TACC1: variants seen among roughly 807,000 people sequenced by gnomAD.
TACC1 encodes transforming acidic coiled-coil containing protein 1.
TACC1 carries 48 observed loss-of-function variants against 84.4 expected under a neutral mutation model. The ratio of observed to expected loss-of-function variants is 0.57; its 90% confidence interval spans 0.45 to 0.72. The LOEUF is 0.72. Among genes scored for constraint, TACC1 ranks in the 30% least tolerant of loss-of-function variants. TACC1 has a pLI of 0.00. For missense variants in TACC1, 920 were observed against 973.0 expected, an observed-to-expected ratio of 0.95 and a Z score of 0.72; for synonymous variants, 372 against 376.3, an observed-to-expected ratio of 0.99 and a Z score of 0.13.
upstream of TACC1, among the ~76,000 whole-genome samples, chr8:38,782,355 A>C (rs1048811369): frequency 2.6e-5 from 4 of 152,018 alleles, no homozygotes; most frequent in Admixed American, 6.6e-5. Flanking sequence ...TGAACTCATC[A>C]TTTTTTATGG....
At chr8:38,736,651 G>T (rs753403901) in intron 1 of TACC1, among the ~76,000 whole-genome samples, 29 of 152,106 alleles carry the variant, frequency 1.9e-4, no homozygotes, top group Non-Finnish European at 2.8e-4. Context: ...AACCTTTACA[G>T]GTTCCAGAGA....
chr8:38,824,210 G>A lies in TACC1; in HGVS notation c.1392-1098G>A, dbSNP rs191989633. On this transcript the variant is annotated intron_variant, in intron 3 of 12. Transcript: ENST00000317827. The stretch of plus-strand genomic sequence containing the variant: ...CTTGCAGTTGTCCATACCTAAGGGA[G>A]TGGGGCTTGGCCTTTACACCTTAGG... Among the ~76,000 whole-genome samples the A allele has an allele frequency of 3.3e-5, 5 of 152,336 alleles. No homozygotes were observed. In the East Asian group the frequency reaches 9.6e-4, roughly 29 times the overall value.
intron 2 of TACC1, among the ~76,000 whole-genome samples, chr8:38,816,681 G>C (rs1488318364): frequency 6.6e-6 from 1 of 152,158 alleles, no homozygotes; most frequent in East Asian, 1.9e-4. Context: ...GATACATAGG[G>C]CAAGGTATCC....
At chr8:38,745,396 A>G (rs1164297084) in exon 3 of TACC1, 2 of 630,462 alleles carry the variant, frequency 3.2e-6, no homozygotes, top group African/African-American at 1.9e-5. Flanking sequence ...AACCCAAATT[A>G]TGGGACATAT....
At chr8:38,802,763 G>C (rs2152081429) in intron 2 of TACC1, among the ~76,000 whole-genome samples, 1 of 152,294 alleles carries the variant, frequency 6.6e-6, no homozygotes, top group Admixed American at 6.5e-5. Context: ...TGAGAGACGA[G>C]AAGGAGAAAG....
chr8:38,821,154 G>A (rs1322909518), intron 3 of TACC1, among the ~76,000 whole-genome samples: 1 of 151,620 alleles, frequency 6.6e-6, no homozygotes, highest in African/African-American at 2.4e-5. Flanking sequence ...GCAGTGAGCC[G>A]AGATCACGCC....
chr8:38,756,349 T>TGTAA (rs1368763950), intron 3 of TACC1, among the ~76,000 whole-genome samples: 1 of 151,736 alleles, frequency 6.6e-6, no homozygotes, highest in Non-Finnish European at 1.5e-5. Flanking sequence ...ACAAAGAAGA[T>TGTAA]GTAACATCAA....
At chr8:38,749,764 G>A (rs1808711010) in intron 3 of TACC1, among the ~76,000 whole-genome samples, 1 of 152,038 alleles carries the variant, frequency 6.6e-6, no homozygotes, top group African/African-American at 2.4e-5. Context: ...GCTAATTTTT[G>A]TATTTTTAGT....
chr8:38,789,879 T>G (rs2151999419), intron 2 of TACC1, among the ~76,000 whole-genome samples: 2 of 152,316 alleles, frequency 1.3e-5, no homozygotes, highest in Middle Eastern at 3.4e-3. Flanking sequence ...GGAGCTGAAG[T>G]CAGCGTGGTC....
intron 3 of TACC1, among the ~76,000 whole-genome samples, chr8:38,771,216 C>G (rs561829618): frequency 8.5e-5 from 13 of 152,226 alleles, no homozygotes; most frequent in African/African-American, 3.1e-4. Flanking sequence ...GCCTGAGTCA[C>G]TTGCCCAACC....
upstream of TACC1, among the ~76,000 whole-genome samples, chr8:38,782,470 G>A (rs113805121): frequency 2.4e-3 from 361 of 152,196 alleles, 6 homozygotes; most frequent in African/African-American, 7.6e-3. Flanking sequence ...GAATAGTGCC[G>A]CAATAAACAT....
At chr8:38,743,292 T>TTGAG (rs1554625270) in intron 2 of TACC1, among the ~76,000 whole-genome samples, 13 of 150,926 alleles carry the variant, frequency 8.6e-5, no homozygotes, top group African/African-American at 3.2e-4. Flanking sequence ...TATATATTTG[T>TTGAG]TGAATGAATG....
Position 38,787,467 on chromosome 8 carries a change from C to G in TACC1, c.-116C>G. 1.4e-6 allele frequency: 2 copies of G among 1,392,800 alleles called. No homozygotes were observed. The highest frequency in any genetic ancestry group is 1.9e-6 in the Non-Finnish European group (2 of 1,079,490). The allele number at this position is 1,392,800 out of a possible 1,614,324, so 86.3% of individuals were successfully genotyped here. A position where few individuals can be genotyped will look rare whatever the true frequency, so the allele number is the denominator to read the frequency against. On this transcript the variant is annotated 5_prime_UTR_variant, in exon 1 of 13. Coordinates refer to ENST00000317827, the MANE Select transcript of TACC1 (RefSeq NM_006283.3). ...GGCACTCGTTTAACCACATCCGCGC[C>G]TCTGCTGGAAACGCTTGCTGGCGCC...
intron 8 of TACC1, among the ~76,000 whole-genome samples, chr8:38,838,812 A>G (rs1344077569): frequency 6.6e-6 from 1 of 152,236 alleles, no homozygotes; most frequent in Non-Finnish European, 1.5e-5. Context: ...ATCTTCTTAG[A>G]ACTGACAGAA....
intron 2 of TACC1, among the ~76,000 whole-genome samples, chr8:38,807,451 A>C (rs571555103): frequency 6.6e-6 from 1 of 152,248 alleles, no homozygotes. Context: ...AGGGCTGTCT[A>C]TCTAAAGGAG....
chr8:38,776,999 T>TA (rs935676570), intron 3 of TACC1, among the ~76,000 whole-genome samples: 1 of 152,150 alleles, frequency 6.6e-6, no homozygotes, highest in African/African-American at 2.4e-5. Flanking sequence ...CTCACGCCTG[T>TA]AATTCCAGCA....
chr8:38,768,116 GAA>G (rs1491284786), intron 3 of TACC1, among the ~76,000 whole-genome samples: 19 of 146,522 alleles, frequency 1.3e-4, no homozygotes, highest in East Asian at 9.8e-4. Flanking sequence ...AGGAAGGAAG[GAA>G]GGTAGGGGAA....
intron 3 of TACC1, among the ~76,000 whole-genome samples, chr8:38,749,630 C>T (rs952964395): frequency 6.6e-5 from 10 of 151,854 alleles, no homozygotes; most frequent in Non-Finnish European, 2.9e-5. Flanking sequence ...CTCAGTCTGT[C>T]GCCCAGGCTG....
At chr8:38,791,241 ACT>A (rs147860484) in intron 2 of TACC1, among the ~76,000 whole-genome samples, 3,584 of 151,984 alleles carry the variant, frequency 0.024, 128 homozygotes, top group African/African-American at 0.075. Flanking sequence ...TGTACCAGTG[ACT>A]CTCACATTTT....
Sources: gnomAD v4.1 joint callset for allele counts (sites outside exome capture counted in the v4.1 genomes callset) on GRCh38, gnomAD v4.1.1 for gene constraint, MANE v1.5 for transcripts, NCBI Gene and HGNC (gene_info 2026-07-23, HGNC 2026-07-21) for gene names.